Variants in PAK3 observed in about 807,000 individuals in gnomAD.
PAK3 encodes serine/threonine-protein kinase PAK 3.
In PAK3, 4 loss-of-function variants were observed where a neutral mutation model predicts 41.0. That is an observed-to-expected ratio of 0.10 (90% CI 0.05 to 0.22). The LOEUF (loss-of-function observed/expected upper bound fraction) is 0.22. Among genes scored for constraint, PAK3 ranks in the 10% least tolerant of loss-of-function variants. The pLI is 1.00. For synonymous variants in PAK3, 146 were observed against 139.6 expected (o/e 1.05, Z -0.32); for missense variants, 205 against 409.9 (o/e 0.50, Z 4.32).
At chrX:111,059,704 TAAAAG>T (rs945976817) in intron 1 of PAK3, among the ~76,000 whole-genome samples, 6 of 112,149 alleles carry the variant, frequency 5.4e-5, no homozygotes, top group African/African-American at 1.9e-4. Flanking sequence ...GATACCATTA[TAAAAG>T]AAAATGATTT....
intron 1 of PAK3, among the ~76,000 whole-genome samples, chrX:110,960,492 G>A (rs751077388): frequency 9.0e-6 from 1 of 111,709 alleles, no homozygotes; most frequent in African/African-American, 3.3e-5. Context: ...GGACAGGAGT[G>A]TACCTGGCTG....
At chrX:111,132,198 AT>A (rs988280191) in intron 5 of PAK3, among the ~76,000 whole-genome samples, 4 of 110,786 alleles carry the variant, frequency 3.6e-5, no homozygotes, top group African/African-American at 1.3e-4. Context: ...ACTAAGGATC[AT>A]TTGTTAGGGA....
intron 1 of PAK3, among the ~76,000 whole-genome samples, chrX:111,033,462 C>T (rs1015608647): frequency 1.4e-4 from 16 of 112,072 alleles, no homozygotes; most frequent in African/African-American, 4.9e-4. Context: ...ACCTTGCTGT[C>T]GCTGCTGACT....
intron 6 of PAK3, among the ~76,000 whole-genome samples, chrX:111,142,630 C>T (rs1384975678): frequency 8.9e-6 from 1 of 112,075 alleles, no homozygotes; most frequent in Non-Finnish European, 1.9e-5. Context: ...CCAAGAATCT[C>T]TATGGAACTG....
At chrX:111,036,820 T>C (rs761465720) in intron 1 of PAK3, among the ~76,000 whole-genome samples, 2 of 112,235 alleles carry the variant, frequency 1.8e-5, no homozygotes, top group Non-Finnish European at 3.8e-5. Flanking sequence ...TGTTGAGTCA[T>C]TTTTATGTGT....
intron 1 of PAK3, among the ~76,000 whole-genome samples, chrX:111,004,072 T>C (rs1245970057): frequency 1.8e-5 from 2 of 112,499 alleles, no homozygotes; most frequent in Non-Finnish European, 3.8e-5. Flanking sequence ...GTCTGGCATA[T>C]AGCAAGTGCT....
At chrX:110,977,254 T>A (rs903268857) in intron 1 of PAK3, among the ~76,000 whole-genome samples, 4 of 110,351 alleles carry the variant, frequency 3.6e-5, no homozygotes, top group South Asian at 3.8e-4. Flanking sequence ...ATATATATAT[T>A]TTATGACAGT....
chrX:111,097,772 C>T (rs1288435411), intron 3 of PAK3, 88 bp downstream of exon 3: 1 of 111,522 alleles, frequency 9.0e-6, no homozygotes, highest in Non-Finnish European at 1.9e-5. Flanking sequence ...TCAGGGGCAA[C>T]TTTGGGCAAA....
intron 1 of PAK3, among the ~76,000 whole-genome samples, chrX:110,999,231 T>A (rs1184764129): frequency 3.6e-5 from 4 of 111,727 alleles, no homozygotes; most frequent in Non-Finnish European, 7.5e-5. Flanking sequence ...GTTAATAACC[T>A]CATGTAACAC....
intron 1 of PAK3, among the ~76,000 whole-genome samples, chrX:110,956,393 G>A (rs985872841): frequency 1.2e-4 from 13 of 111,330 alleles, no homozygotes; most frequent in African/African-American, 4.3e-4. Flanking sequence ...GGATCCCTTG[G>A]TCCCTGCTTT....
At chrX:111,078,701 A>G (rs1287454784) in intron 1 of PAK3, among the ~76,000 whole-genome samples, 4 of 111,596 alleles carry the variant, frequency 3.6e-5, no homozygotes, top group Non-Finnish European at 7.5e-5. Flanking sequence ...CCCTTTAAAT[A>G]AAAAACTAGA....
intron 5 of PAK3, among the ~76,000 whole-genome samples, chrX:111,133,512 A>G (rs1185770363): frequency 8.9e-6 from 1 of 112,038 alleles, no homozygotes; most frequent in African/African-American, 3.2e-5. Flanking sequence ...GTTAGATTTC[A>G]AGTTCAGAAT....
At chrX:111,041,538 T>C (rs1413837291) in intron 1 of PAK3, among the ~76,000 whole-genome samples, 1 of 112,017 alleles carries the variant, frequency 8.9e-6, no homozygotes, top group Non-Finnish European at 1.9e-5. Context: ...GTGCAAATCA[T>C]GGCATTTGTG....
intron 1 of PAK3, among the ~76,000 whole-genome samples, chrX:111,078,360 C>T (rs1023558145): frequency 1.8e-5 from 2 of 109,594 alleles, no homozygotes; most frequent in African/African-American, 6.6e-5. Flanking sequence ...CTTCTCACTT[C>T]ACATCTCTGT....
At chrX:110,974,669 G>T (rs371808569) in intron 1 of PAK3, among the ~76,000 whole-genome samples, 1 of 111,486 alleles carries the variant, frequency 9.0e-6, no homozygotes, top group Admixed American at 9.5e-5. Flanking sequence ...AAAGAGAATT[G>T]TAGACCAATA....
intron 1 of PAK3, among the ~76,000 whole-genome samples, chrX:110,954,711 C>T (rs1365818989): frequency 9.0e-6 from 1 of 111,664 alleles, no homozygotes; most frequent in African/African-American, 3.3e-5. Context: ...AGGGGTGGGG[C>T]TCAGAGATTA....
chrX:111,202,951 G>C (rs1470100841), intron 16 of PAK3, among the ~76,000 whole-genome samples: 1 of 111,703 alleles, frequency 9.0e-6, no homozygotes, highest in Non-Finnish European at 1.9e-5. Flanking sequence ...GACAGTTATT[G>C]GTATCACTGC....
chrX:111,216,107 T>C (rs953664309), intron 16 of PAK3, among the ~76,000 whole-genome samples: 2 of 112,254 alleles, frequency 1.8e-5, no homozygotes, highest in South Asian at 7.4e-4. Flanking sequence ...GGCAATCCTT[T>C]GGTTTAATTT....
At chrX:111,142,286 G>C in intron 6 of PAK3, 90 bp downstream of exon 6, 1 of 591,730 alleles carries the variant, frequency 1.7e-6, no homozygotes. Context: ...GTCCCAAAAT[G>C]TCAGACTTAA....
Sources: allele counts gnomAD v4.1 joint callset (sites outside exome capture counted in the v4.1 genomes callset), GRCh38; gene constraint gnomAD v4.1.1; transcripts MANE v1.5; gene names NCBI Gene and HGNC (gene_info 2026-07-23, HGNC 2026-07-21).